The following TMPRSS15 variants were observed in gnomAD, a reference collection of about 807,000 sequenced individuals.
TMPRSS15 encodes the protein enteropeptidase.
A neutral mutation model predicts 125.3 loss-of-function variants in TMPRSS15; 128 were observed. That is an observed-to-expected ratio of 1.02 (90% CI 0.89 to 1.18). TMPRSS15 has a LOEUF of 1.18. Among genes scored for constraint, TMPRSS15 ranks in the 50% most tolerant of loss-of-function variants. The pLI, the probability that TMPRSS15 is intolerant of heterozygous loss-of-function variation, is 0.00. For missense variants in TMPRSS15, 1,283 were observed against 1,212.7 expected (o/e 1.06, Z -0.86); for synonymous variants, 446 against 423.2 (o/e 1.05, Z -0.66).
intron 6 of TMPRSS15, among the ~76,000 whole-genome samples, chr21:18,365,639 TC>T (rs1431913006): frequency 3.5e-5 from 2 of 57,240 alleles, no homozygotes; most frequent in African/African-American, 1.2e-4. Context: ...TCTTTCTCTC[TC>T]TTTTTCCTCC....
rs62213267 is a variant in TMPRSS15 at position 18,469,477 on chromosome 21, G to C, written c.10+16322C>G. ...ATAAAAATATTAAATTTTACATTTA[G>C]CTTTTGAAAATGATTGGGACAATTC... On this transcript the variant is annotated intron_variant, in intron 1 of 7. Transcript: ENST00000422787. Among the ~76,000 whole-genome samples the C allele has an allele frequency of 1.6e-3, 242 of 152,128 alleles. 2 individuals are homozygous for C. Among genetic ancestry groups the C allele is most frequent in the South Asian group, 2.3e-3 (11 of 4,830 alleles).
intron 1 of TMPRSS15, among the ~76,000 whole-genome samples, chr21:18,422,104 C>T (rs959791685): frequency 1.6e-4 from 24 of 151,948 alleles, no homozygotes; most frequent in Admixed American, 1.6e-3. Flanking sequence ...CTGCCTCAGC[C>T]TCCTGAGTAG....
At chr21:18,450,802 A>G (rs1302436404) in intron 1 of TMPRSS15, among the ~76,000 whole-genome samples, 1 of 152,208 alleles carries the variant, frequency 6.6e-6, no homozygotes, top group Non-Finnish European at 1.5e-5. Flanking sequence ...CAAATAAAAT[A>G]CTGGAAGTTA....
chr21:18,402,505 G>A (rs1374055393), intron 1 of TMPRSS15, among the ~76,000 whole-genome samples: 1 of 132,796 alleles, frequency 7.5e-6, no homozygotes, highest in Non-Finnish European at 1.5e-5. Flanking sequence ...CTCCAGCCTG[G>A]CGACAGAGCG....
chr21:18,363,782 G>A (rs532699741), intron 7 of TMPRSS15, among the ~76,000 whole-genome samples: 44 of 152,018 alleles, frequency 2.9e-4, no homozygotes, highest in Non-Finnish European at 5.9e-4. Flanking sequence ...ACAAATGTAG[G>A]TTGAAAACAA....
intron 1 of TMPRSS15, among the ~76,000 whole-genome samples, chr21:18,463,338 G>C (rs2122911061): frequency 2.8e-5 from 4 of 142,360 alleles, no homozygotes; most frequent in African/African-American, 8.0e-5. Context: ...AACTAACAAA[G>C]ATCAAAAAAG....
intron 4 of TMPRSS15, among the ~76,000 whole-genome samples, chr21:18,382,047 A>G (rs1002990930): frequency 6.6e-6 from 1 of 152,156 alleles, no homozygotes; most frequent in Admixed American, 6.6e-5. Context: ...AAATCAACTA[A>G]AATTGTTCAA....
intron 1 of TMPRSS15, among the ~76,000 whole-genome samples, chr21:18,467,577 C>A (rs1399199722): frequency 6.6e-6 from 1 of 151,576 alleles, no homozygotes; most frequent in Non-Finnish European, 1.5e-5. Context: ...ACCTAACATA[C>A]CAGAGTTTAA....
At chr21:18,436,535 A>G (rs1371519580) in intron 1 of TMPRSS15, among the ~76,000 whole-genome samples, 1 of 151,858 alleles carries the variant, frequency 6.6e-6, no homozygotes, top group East Asian at 1.9e-4. Flanking sequence ...GTATATCTAG[A>G]AAACCCCATT....
At position 18,291,415 on chromosome 21, in the gene TMPRSS15, G is replaced by A. The variant is rs182727675; in HGVS notation, c.2486+2855C>T. ...ATTTAGAATCACTCAGGAGAACTTA[G>A]CCTGAGGAATGCAAATGAAGTGTTG... On this transcript the variant is annotated intron_variant, in intron 21 of 24. Transcript: ENST00000284885. Among the ~76,000 whole-genome samples, 3 of 152,314 alleles carry A rather than the reference G, an allele frequency of 2.0e-5. No individual in the cohort carries two copies. In the East Asian group the frequency reaches 5.8e-4, roughly 29 times the overall value.
chr21:18,283,492 T>C (rs2146877073), intron 21 of TMPRSS15, among the ~76,000 whole-genome samples: 1 of 152,102 alleles, frequency 6.6e-6, no homozygotes, highest in East Asian at 1.9e-4. Flanking sequence ...ATATTCTCTG[T>C]TATATTCATA....
chr21:18,458,497 T>C (rs1008537195), intron 1 of TMPRSS15, among the ~76,000 whole-genome samples: 1 of 152,154 alleles, frequency 6.6e-6, no homozygotes, highest in Non-Finnish European at 1.5e-5. Context: ...TATCTTTTAA[T>C]CAAAGGCAGA....
chr21:18,366,110 AATATATCTGAATTGAAAACTG>A (rs1267424214), intron 6 of TMPRSS15, among the ~76,000 whole-genome samples: 2 of 152,148 alleles, frequency 1.3e-5, no homozygotes, highest in Non-Finnish European at 2.9e-5. Flanking sequence ...CAAGGAAATA[AATATATCTGAATTGAAAACTG>A]CCAGTTCAGA....
At chr21:18,482,666 AAAT>A (rs1434906399) in intron 1 of TMPRSS15, among the ~76,000 whole-genome samples, 6 of 151,672 alleles carry the variant, frequency 4.0e-5, no homozygotes, top group Non-Finnish European at 7.4e-5. Context: ...TACATAGAAG[AAAT>A]GATATGATTT....
upstream of TMPRSS15, among the ~76,000 whole-genome samples, chr21:18,407,273 A>AGG (rs1435915265): frequency 1.3e-5 from 2 of 152,126 alleles, no homozygotes; most frequent in Non-Finnish European, 2.9e-5. Context: ...ACACAGTTAG[A>AGG]GGAGTAGGAC....
In TMPRSS15 at chr21:18,285,066, A is replaced by C. The variant is rs75393684; in HGVS notation, c.2487-3845T>G. 7.2e-3 allele frequency among the ~76,000 whole-genome samples: 1,095 copies of C among 152,286 alleles called. 11 individuals carry two copies. Among genetic ancestry groups the C allele is most frequent in the African/African-American group, 0.026 (1,062 of 41,556 alleles). The stretch of plus-strand genomic sequence containing the variant: ...TGCTGCATTTCACCATCTGTCCTGC[A>C]CAAGCAAGACATTTATCATAGTAGC... On this transcript the variant is annotated intron_variant, in intron 21 of 24. Coordinates refer to ENST00000284885, the MANE Select transcript of TMPRSS15 (RefSeq NM_002772.3).
intron 17 of TMPRSS15, among the ~76,000 whole-genome samples, chr21:18,313,858 A>G (rs1601319466): frequency 6.6e-6 from 1 of 151,426 alleles, no homozygotes; most frequent in East Asian, 2.0e-4. Flanking sequence ...AAGGAAACTC[A>G]AGTTTAGGGA....
intron 6 of TMPRSS15, among the ~76,000 whole-genome samples, chr21:18,368,016 C>T (rs1415158540): frequency 6.6e-6 from 1 of 152,062 alleles, no homozygotes; most frequent in African/African-American, 2.4e-5. Flanking sequence ...TTAAAGATTT[C>T]CATCTTTTTC....
At chr21:18,358,760 A>C (rs979712808) in intron 8 of TMPRSS15, among the ~76,000 whole-genome samples, 19 of 152,056 alleles carry the variant, frequency 1.2e-4, no homozygotes, top group Non-Finnish European at 1.5e-5. Context: ...GAAAATATTA[A>C]AGAAGAAAAT....
Sources: gnomAD v4.1 joint callset for allele counts (sites outside exome capture counted in the v4.1 genomes callset) on GRCh38, gnomAD v4.1.1 for gene constraint, MANE v1.5 for transcripts, NCBI Gene and HGNC (gene_info 2026-07-23, HGNC 2026-07-21) for gene names.